The following CALN1 variants were observed in gnomAD, a reference collection of about 807,000 sequenced individuals.
CALN1 encodes calcium-binding protein 8.
CALN1 carries 17 observed loss-of-function variants against 30.6 expected under a neutral mutation model. The ratio of observed to expected loss-of-function variants is 0.56; its 90% CI spans 0.38 to 0.83. CALN1 has a LOEUF of 0.83. CALN1 is among the 40% of genes least tolerant of loss of function. The probability of loss-of-function intolerance (pLI) is 0.00; values close to 1 mark genes in which losing one functional copy is unlikely to be tolerated. For missense variants in CALN1, 291 were observed against 354.9 expected, an observed-to-expected ratio of 0.82 and a Z score of 1.45; for synonymous variants, 156 against 131.4, an observed-to-expected ratio of 1.19 and a Z score of -1.28.
chr7:72,356,592 T>C (rs1314528171), intron 2 of CALN1, among the ~76,000 whole-genome samples: 3 of 151,814 alleles, frequency 2.0e-5, no homozygotes, highest in Admixed American at 2.0e-4. Context: ...TAAGTGCCAA[T>C]CTCCCTGAAA....
chr7:72,172,244 G>A (rs7808523), intron 3 of CALN1, among the ~76,000 whole-genome samples: 114,372 of 152,176 alleles, frequency 0.75, 43,387 homozygotes, highest in East Asian at 0.96. Flanking sequence ...AAGGCTTTTC[G>A]AGAGTAAAAA....
At chr7:72,224,737 C>A (rs183334703) in intron 3 of CALN1, among the ~76,000 whole-genome samples, 33 of 151,158 alleles carry the variant, frequency 2.2e-4, no homozygotes, top group Non-Finnish European at 4.4e-4. Context: ...GCCAAGATTG[C>A]GCCACTGCAC....
At chr7:72,148,008 G>C (rs1356706985) in intron 3 of CALN1, among the ~76,000 whole-genome samples, 1 of 150,428 alleles carries the variant, frequency 6.6e-6, no homozygotes, top group East Asian at 1.9e-4. Context: ...GAGTTAATAG[G>C]TGCAGCACAC....
At chr7:72,226,662 T>A (rs953858688) in intron 3 of CALN1, among the ~76,000 whole-genome samples, 3 of 152,200 alleles carry the variant, frequency 2.0e-5, no homozygotes, top group African/African-American at 7.2e-5. Flanking sequence ...GCTGACATTA[T>A]CCTAGGCAAA....
chr7:72,331,335 G>A (rs1585512413), intron 2 of CALN1, among the ~76,000 whole-genome samples: 1 of 151,942 alleles, frequency 6.6e-6, no homozygotes, highest in East Asian at 1.9e-4. Context: ...GGGCAACAGA[G>A]CGAGACTCCA....
chr7:72,174,031 G>T (rs1789163056), intron 3 of CALN1, among the ~76,000 whole-genome samples: 2 of 151,644 alleles, frequency 1.3e-5, no homozygotes, highest in Non-Finnish European at 2.9e-5. Context: ...TTTGCAACAT[G>T]CATGCAAACA....
intron 2 of CALN1, 44 bp from the exon 3 acceptor site, chr7:72,278,854 A>G (rs752743227): frequency 1.9e-6 from 3 of 1,581,684 alleles, no homozygotes; most frequent in African/African-American, 1.3e-5. Flanking sequence ...AGACATCATC[A>G]TTCATTCTTC....
intron 2 of CALN1, among the ~76,000 whole-genome samples, chr7:72,345,508 G>A (rs540810266): frequency 1.4e-5 from 2 of 147,780 alleles, no homozygotes; most frequent in Non-Finnish European, 3.0e-5. Flanking sequence ...AGAGAGGAAG[G>A]GAGGGAGGAA....
chr7:71,990,243 AC>A (rs1259355883), intron 5 of CALN1, among the ~76,000 whole-genome samples: 1 of 151,952 alleles, frequency 6.6e-6, no homozygotes, highest in Non-Finnish European at 1.5e-5. Flanking sequence ...GCTAAACGAC[AC>A]TCCCACCAGC....
chr7:72,123,639 C>A (rs113994573), intron 3 of CALN1, among the ~76,000 whole-genome samples: 4 of 152,086 alleles, frequency 2.6e-5, no homozygotes, highest in Admixed American at 6.5e-5. Flanking sequence ...CCCAGGGAAC[C>A]GCTCCCCTCT....
intron 5 of CALN1, among the ~76,000 whole-genome samples, chr7:71,832,406 T>C (rs914321510): frequency 3.9e-5 from 6 of 152,216 alleles, no homozygotes; most frequent in Non-Finnish European, 7.3e-5. Flanking sequence ...AATAAGGAGA[T>C]GCCTTTTTGC....
chr7:72,125,463 C>A (rs1808682110), intron 3 of CALN1, among the ~76,000 whole-genome samples: 1 of 152,160 alleles, frequency 6.6e-6, no homozygotes, highest in Non-Finnish European at 1.5e-5. Context: ...TAGGGGAAGA[C>A]AGACGATGGG....
At chr7:72,453,971 T>C in the CALN1 span, among the ~76,000 whole-genome samples, 1 of 150,890 alleles carries the variant, frequency 6.6e-6, no homozygotes, top group Non-Finnish European at 1.5e-5. Flanking sequence ...TAATTTTAGA[T>C]GTAGTGAATT....
intron 5 of CALN1, among the ~76,000 whole-genome samples, chr7:71,863,557 CA>C (rs71531769): frequency 0.078 from 2,497 of 31,998 alleles, 11 homozygotes; most frequent in Non-Finnish European, 0.14. Context: ...AACTCCATCT[CA>C]AAAAAAAAAA....
In CALN1 at chr7:72,163,391, T is replaced by TAAAAAAAAAA. The variant is rs1563111506; in HGVS notation, c.245-57098_245-57097insTTTTTTTTTT. ...CTACAAGAAAAAAACTTATTGGAGATTAAAAAAAAAAAAAAAAAACAGAAA... is the reference window on the plus strand; with the variant it reads ...CTACAAGAAAAAAACTTATTGGAGATAAAAAAAAAATAAAAAAAAAAAAAAAAAACAGAAA... On this transcript the variant is annotated intron_variant, in intron 3 of 6. Transcript: ENST00000395275. Among the ~76,000 whole-genome samples the TAAAAAAAAAA allele has an allele frequency of 1.4e-3, 179 of 130,406 alleles. 2 individuals are homozygous for TAAAAAAAAAA. The highest frequency in any genetic ancestry group is 4.8e-3 in the African/African-American group (168 of 35,132). 85.6% of individuals were successfully genotyped at this position (130,406 alleles called of 152,430 possible).
At chr7:72,449,736 A>G (rs2968520), upstream of CALN1, among the ~76,000 whole-genome samples, 98,925 of 151,638 alleles carry the variant, frequency 0.65, 32,740 homozygotes, top group African/African-American at 0.74. Flanking sequence ...TTAGCCGGGC[A>G]TGGTGGCGGG....
chr7:72,128,592 C>T (rs1585000404), intron 3 of CALN1, among the ~76,000 whole-genome samples: 1 of 152,106 alleles, frequency 6.6e-6, no homozygotes, highest in Non-Finnish European at 1.5e-5. Flanking sequence ...TAAAACGGGC[C>T]AGGTGCAGTG....
In CALN1 at chr7:72,379,065, T is replaced by C. The variant is rs1325092147; in HGVS notation, c.119+24186A>G. Among the ~76,000 whole-genome samples, 9 of 152,354 alleles carry C rather than the reference T, an allele frequency of 5.9e-5. No individual in the cohort carries two copies. In the East Asian group the frequency reaches 1.7e-3, roughly 29 times the overall value. The stretch of plus-strand genomic sequence containing the variant: ...ACGTTCACTTGGTTGTGTTGGATTA[T>C]CCTTTTTATATAATATTTTTTCATT... On this transcript the variant is annotated intron_variant, in intron 2 of 6. Transcript: ENST00000395275.
intron 2 of CALN1, chr7:72,336,649 A>C (rs1802064123): frequency 1.4e-5 from 13 of 955,344 alleles, no homozygotes; most frequent in African/African-American, 7.1e-5. Flanking sequence ...GACCGAGGGA[A>C]GAAGAAAAGA....
Sources: allele counts gnomAD v4.1 joint callset (sites outside exome capture counted in the v4.1 genomes callset), GRCh38; gene constraint gnomAD v4.1.1; transcripts MANE v1.5; gene names NCBI Gene and HGNC (gene_info 2026-07-23, HGNC 2026-07-21).